ANO4: variants seen among roughly 807,000 people sequenced by gnomAD.
ANO4 encodes the protein anoctamin 4, also known as anoctamin-4.
Under a neutral mutation model 141.9 loss-of-function variants are expected in ANO4, and 69 were observed. That is an observed-to-expected ratio of 0.49 (90% CI 0.40 to 0.59). ANO4 has a LOEUF of 0.59. Among genes scored for constraint, ANO4 ranks in the 20% least tolerant of loss-of-function variants. The pLI is 0.00. For missense variants in ANO4, 894 were observed against 1,162.2 expected (o/e 0.77, Z 3.36); for synonymous variants, 350 against 394.3 (o/e 0.89, Z 1.33).
intron 14 of ANO4, among the ~76,000 whole-genome samples, chr12:101,049,622 G>T (rs981866432): frequency 2.0e-5 from 3 of 151,932 alleles, no homozygotes; most frequent in Non-Finnish European, 4.4e-5. Flanking sequence ...GAAAGAAAAA[G>T]AAATTACCAA....
At chr12:100,771,822 T>C (rs2033313912) in intron 3 of ANO4, among the ~76,000 whole-genome samples, 1 of 152,052 alleles carries the variant, frequency 6.6e-6, no homozygotes, top group Non-Finnish European at 1.5e-5. Context: ...TATACGTGAG[T>C]GTGGTCAGGC....
At chr12:100,918,695 A>G (rs1055966385) in intron 2 of ANO4, among the ~76,000 whole-genome samples, 1 of 152,238 alleles carries the variant, frequency 6.6e-6, no homozygotes, top group Non-Finnish European at 1.5e-5. Flanking sequence ...GTATAAAAAT[A>G]TAGCACATAC....
intron 3 of ANO4, among the ~76,000 whole-genome samples, 160 bp downstream of exon 3, chr12:100,922,490 G>A (rs536469417): frequency 6.6e-6 from 1 of 152,230 alleles, no homozygotes; most frequent in East Asian, 1.9e-4. Context: ...GAAACTAGAA[G>A]AGATAGTGAA....
At chr12:100,782,173 T>TCTC (rs2033730399) in intron 3 of ANO4, among the ~76,000 whole-genome samples, 1 of 152,174 alleles carries the variant, frequency 6.6e-6, no homozygotes, top group South Asian at 2.1e-4. Flanking sequence ...TCTCCACTCT[T>TCTC]CACTATTTCT....
chr12:100,988,702 C>A (rs557616690), intron 8 of ANO4, among the ~76,000 whole-genome samples: 80 of 151,698 alleles, frequency 5.3e-4, no homozygotes, highest in African/African-American at 1.9e-3. Context: ...GAAACCCCGT[C>A]TCTACTAAAA....
rs534853503 is a variant in ANO4 at position 100,811,353 on chromosome 12, C to T, written c.-141+16326C>T. 5.3e-5 allele frequency among the ~76,000 whole-genome samples: 8 copies of T among 152,290 alleles called. No individual in the cohort carries two copies. In the East Asian group the frequency reaches 1.5e-3, roughly 29 times the overall value. ...TGGAGACTTGAGTCAGGCTAGTTCC[C>T]TTATCTTTGGAAGATATTCTTGAGT... is the stretch of plus-strand genomic sequence containing the variant. On this transcript the variant is annotated intron_variant, in intron 1 of 27. Transcript: ENST00000392977.
At chr12:101,110,359 T>C in intron 22 of ANO4, 45 bp from the exon 23 acceptor site, 18 of 1,528,428 alleles carry the variant, frequency 1.2e-5, no homozygotes, top group Non-Finnish European at 1.6e-5. Flanking sequence ...AAAATAGTAA[T>C]GGAAAACCAA....
chr12:100,972,913 T>C (rs2043993484), intron 6 of ANO4, among the ~76,000 whole-genome samples: 1 of 152,178 alleles, frequency 6.6e-6, no homozygotes, highest in Non-Finnish European at 1.5e-5. Flanking sequence ...TGCAAAGGAT[T>C]TTGTATCTGA....
At chr12:100,743,043 C>A (rs2031941666) in intron 3 of ANO4, among the ~76,000 whole-genome samples, 1 of 151,514 alleles carries the variant, frequency 6.6e-6, no homozygotes, top group African/African-American at 2.4e-5. Flanking sequence ...CACTAAGTTA[C>A]CACTCCATGT....
At chr12:100,957,880 T>TA (rs1474039171) in intron 5 of ANO4, among the ~76,000 whole-genome samples, 3 of 151,784 alleles carry the variant, frequency 2.0e-5, no homozygotes, top group Non-Finnish European at 4.4e-5. Flanking sequence ...TTTTTATATA[T>TA]TTTTTTTAGT....
chr12:100,793,529 A>G (rs1593342122), upstream of ANO4, among the ~76,000 whole-genome samples: 1 of 152,254 alleles, frequency 6.6e-6, no homozygotes, highest in South Asian at 2.1e-4. Flanking sequence ...AGGTAAAAAC[A>G]GACAACTAAA....
At chr12:100,996,546 G>A (rs1327537545) in intron 8 of ANO4, among the ~76,000 whole-genome samples, 3 of 152,268 alleles carry the variant, frequency 2.0e-5, no homozygotes, top group South Asian at 2.1e-4. Flanking sequence ...TTAGCTGGGC[G>A]TGGTGATGGA....
intron 1 of ANO4, among the ~76,000 whole-genome samples, chr12:100,801,709 C>T (rs1028720557): frequency 1.7e-5 from 2 of 115,206 alleles, no homozygotes; most frequent in African/African-American, 3.4e-5. Context: ...TTATGATGGT[C>T]GTGCCAGCAA....
chr12:101,041,848 C>A (rs2047422719), intron 11 of ANO4, among the ~76,000 whole-genome samples: 1 of 152,082 alleles, frequency 6.6e-6, no homozygotes. Context: ...TTATGTTGGG[C>A]AAATAAAGGG....
At chr12:101,092,105 A>G (rs543359508) in intron 17 of ANO4, among the ~76,000 whole-genome samples, 1 of 152,294 alleles carries the variant, frequency 6.6e-6, no homozygotes, top group African/African-American at 2.4e-5. Context: ...TGCAAGCCAA[A>G]TAGGCCAACA....
intron 7 of ANO4, among the ~76,000 whole-genome samples, chr12:100,985,434 T>TA (rs2044667084): frequency 6.6e-6 from 1 of 152,204 alleles, no homozygotes; most frequent in African/African-American, 2.4e-5. Flanking sequence ...ATCACAACTC[T>TA]ACGAATTGGG....
intron 1 of ANO4, among the ~76,000 whole-genome samples, chr12:100,838,563 A>G (rs1035636763): frequency 6.6e-6 from 1 of 152,188 alleles, no homozygotes; most frequent in African/African-American, 2.4e-5. Flanking sequence ...TAGCTTGATC[A>G]AAAATGTGCT....
chr12:100,799,466 G>A (rs2034547050), intron 1 of ANO4, among the ~76,000 whole-genome samples: 1 of 152,228 alleles, frequency 6.6e-6, no homozygotes, highest in Non-Finnish European at 1.5e-5. Context: ...ACCTTGGCCA[G>A]GGGCGGTGGC....
chr12:101,118,502 A>G (rs1566274206), intron 25 of ANO4, among the ~76,000 whole-genome samples: 1 of 152,226 alleles, frequency 6.6e-6, no homozygotes, highest in Non-Finnish European at 1.5e-5. Context: ...GTTTGTTTTC[A>G]GTCATATAGC....
Sources: allele counts gnomAD v4.1 joint callset (sites outside exome capture counted in the v4.1 genomes callset), GRCh38; gene constraint gnomAD v4.1.1; transcripts MANE v1.5; gene names NCBI Gene and HGNC (gene_info 2026-07-23, HGNC 2026-07-21).